The following HS6ST3 variants were observed in gnomAD, a reference collection of about 807,000 sequenced individuals.
HS6ST3 encodes heparan sulfate 6-O-sulfotransferase 3, also known as heparan-sulfate 6-O-sulfotransferase 3.
HS6ST3 carries 12 observed loss-of-function variants against 36.7 expected under a neutral mutation model. That is an observed-to-expected ratio of 0.33 (90% CI 0.21 to 0.53). The LOEUF (loss-of-function observed/expected upper bound fraction) is 0.53, where lower values mean the gene tolerates loss of function less well. HS6ST3 is among the 20% of genes least tolerant of loss of function. The pLI, the probability that HS6ST3 is intolerant of heterozygous loss-of-function variation, is 0.95. For missense variants in HS6ST3, 584 were observed against 640.9 expected, an observed-to-expected ratio of 0.91 and a Z score of 0.96; for synonymous variants, 240 against 257.5, an observed-to-expected ratio of 0.93 and a Z score of 0.65.
intron 1 of HS6ST3, among the ~76,000 whole-genome samples, chr13:96,174,319 A>G (rs1007747768): frequency 6.6e-6 from 1 of 152,168 alleles, no homozygotes; most frequent in African/African-American, 2.4e-5. Flanking sequence ...TCAACTTCAG[A>G]TAATATCTCT....
intron 1 of HS6ST3, among the ~76,000 whole-genome samples, chr13:96,430,194 C>T (rs1372264523): frequency 6.6e-6 from 1 of 152,136 alleles, no homozygotes; most frequent in South Asian, 2.1e-4. Flanking sequence ...GATTTTCTAT[C>T]TATGAAATTA....
At chr13:96,501,351 T>C (rs1334920607) in intron 1 of HS6ST3, among the ~76,000 whole-genome samples, 1 of 152,206 alleles carries the variant, frequency 6.6e-6, no homozygotes, top group Non-Finnish European at 1.5e-5. Context: ...TACTTTTTCA[T>C]GTTCAACTTC....
At chr13:96,782,297 A>AT (rs1566452518) in intron 1 of HS6ST3, among the ~76,000 whole-genome samples, 1 of 152,144 alleles carries the variant, frequency 6.6e-6, no homozygotes, top group Non-Finnish European at 1.5e-5. Context: ...AGGATTACCG[A>AT]TTTTCTCCTT....
intron 1 of HS6ST3, among the ~76,000 whole-genome samples, chr13:96,563,591 G>C (rs1169994162): frequency 6.6e-6 from 1 of 152,156 alleles, no homozygotes; most frequent in Non-Finnish European, 1.5e-5. Context: ...AAGTGTATAA[G>C]AAAGAGAAAG....
At chr13:96,433,510 C>T (rs140868798) in intron 1 of HS6ST3, among the ~76,000 whole-genome samples, 4 of 152,262 alleles carry the variant, frequency 2.6e-5, no homozygotes, top group East Asian at 1.9e-4. Flanking sequence ...TGAGAGTTCT[C>T]CTGCACTAAA....
intron 1 of HS6ST3, among the ~76,000 whole-genome samples, chr13:96,646,016 A>G (rs1246273699): frequency 2.0e-5 from 3 of 151,996 alleles, no homozygotes; most frequent in Non-Finnish European, 4.4e-5. Context: ...GATGAAATTC[A>G]ATAGACTTAG....
intron 1 of HS6ST3, among the ~76,000 whole-genome samples, chr13:96,795,589 C>A (rs1296208107): frequency 6.6e-6 from 1 of 152,080 alleles, no homozygotes; most frequent in Non-Finnish European, 1.5e-5. Flanking sequence ...AGCTGTCTTA[C>A]ATTTTTCAAA....
intron 1 of HS6ST3, among the ~76,000 whole-genome samples, chr13:96,467,373 TC>T (rs1375516478): frequency 6.6e-6 from 1 of 152,174 alleles, no homozygotes; most frequent in Non-Finnish European, 1.5e-5. Context: ...TTAATTAGTC[TC>T]GTAGGAAAAG....
intron 1 of HS6ST3, among the ~76,000 whole-genome samples, chr13:96,703,475 A>G (rs900190522): frequency 2.0e-5 from 3 of 152,190 alleles, no homozygotes; most frequent in Non-Finnish European, 4.4e-5. Flanking sequence ...ACTTAGCCTG[A>G]TTGGGCGCTT....
At chr13:96,393,648 G>A (rs564319658) in intron 1 of HS6ST3, among the ~76,000 whole-genome samples, 7 of 152,220 alleles carry the variant, frequency 4.6e-5, no homozygotes, top group Non-Finnish European at 7.4e-5. Flanking sequence ...TAAACTTTGC[G>A]GCATTGCTTT....
intron 1 of HS6ST3, among the ~76,000 whole-genome samples, chr13:96,111,723 C>T (rs948991700): frequency 6.6e-6 from 1 of 152,060 alleles, no homozygotes; most frequent in Non-Finnish European, 1.5e-5. Context: ...CAATAAGCAA[C>T]TAGACAATAT....
chr13:96,573,102 C>T (rs944295754), intron 1 of HS6ST3, among the ~76,000 whole-genome samples: 1 of 152,178 alleles, frequency 6.6e-6, no homozygotes, highest in Non-Finnish European at 1.5e-5. Flanking sequence ...TTTCTACTAA[C>T]GACTAGATGT....
At chr13:96,511,079 G>GT (rs2056047987) in intron 1 of HS6ST3, among the ~76,000 whole-genome samples, 1 of 152,146 alleles carries the variant, frequency 6.6e-6, no homozygotes, top group African/African-American at 2.4e-5. Context: ...TAGTCTAGAT[G>GT]TAAGTTGGGA....
At chr13:96,359,738 T>C (rs2055228228) in intron 1 of HS6ST3, among the ~76,000 whole-genome samples, 1 of 152,168 alleles carries the variant, frequency 6.6e-6, no homozygotes, top group South Asian at 2.1e-4. Flanking sequence ...CATACCATTG[T>C]TCTGAACATA....
chr13:96,151,215 A>C (rs7338504), intron 1 of HS6ST3, among the ~76,000 whole-genome samples: 125,691 of 152,026 alleles, frequency 0.83, 52,248 homozygotes, highest in East Asian at 0.91. Flanking sequence ...ATCAGCCTGG[A>C]CAACATGGTG....
At chr13:96,290,868 C>T (rs988356165) in intron 1 of HS6ST3, among the ~76,000 whole-genome samples, 1 of 152,164 alleles carries the variant, frequency 6.6e-6, no homozygotes, top group African/African-American at 2.4e-5. Context: ...TGCCTCCTAC[C>T]TCCAGCCACA....
At chr13:96,769,982 G>C (rs1270639815) in intron 1 of HS6ST3, among the ~76,000 whole-genome samples, 1 of 152,160 alleles carries the variant, frequency 6.6e-6, no homozygotes, top group Non-Finnish European at 1.5e-5. Context: ...AGAGCAAGAA[G>C]TCTGTAGGTC....
At chr13:96,166,049 T>G (rs939044699) in intron 1 of HS6ST3, among the ~76,000 whole-genome samples, 1 of 151,462 alleles carries the variant, frequency 6.6e-6, no homozygotes, top group Non-Finnish European at 1.5e-5. Flanking sequence ...TATTTATTTA[T>G]TTATTTATTT....
chr13:96,493,079 A>G (rs1353803957), intron 1 of HS6ST3, among the ~76,000 whole-genome samples: 2 of 152,192 alleles, frequency 1.3e-5, no homozygotes, highest in South Asian at 2.1e-4. Context: ...TCCCAAGGTC[A>G]TGTTTCTTGC....
Sources: gnomAD v4.1 joint callset for allele counts (sites outside exome capture counted in the v4.1 genomes callset) on GRCh38, gnomAD v4.1.1 for gene constraint, MANE v1.5 for transcripts, NCBI Gene and HGNC (gene_info 2026-07-23, HGNC 2026-07-21) for gene names.